The following EFHD1 variants were observed in gnomAD, a reference collection of about 807,000 sequenced individuals.
EFHD1 encodes EF-hand domain family member D1.
Under a neutral mutation model 17.2 loss-of-function variants are expected in EFHD1, and 10 were observed. That is an observed-to-expected ratio of 0.58 (90% confidence interval 0.36 to 0.99). The LOEUF (loss-of-function observed/expected upper bound fraction) is 0.99. Ranked by LOEUF, EFHD1 falls within the 50% of genes least tolerant of loss-of-function variation. The pLI is 0.01. For synonymous variants in EFHD1, 153 were observed against 142.0 expected (o/e 1.08, Z -0.55); for missense variants, 310 against 327.5 (o/e 0.95, Z 0.41).
intron 1 of EFHD1, among the ~76,000 whole-genome samples, chr2:232,651,244 G>T (rs73995853): frequency 0.074 from 11,302 of 152,278 alleles, 527 homozygotes; most frequent in African/African-American, 0.11. Flanking sequence ...CTCTGCCCAG[G>T]GGAGGGGTGC....
chr2:232,658,014 C>T (rs1348323127), intron 1 of EFHD1, among the ~76,000 whole-genome samples: 3 of 148,596 alleles, frequency 2.0e-5, no homozygotes, highest in Non-Finnish European at 4.5e-5. Context: ...GATTCTTCTG[C>T]CTCAGCCTCC....
At chr2:232,624,760 T>C (rs1251302384) in intron 1 of EFHD1, among the ~76,000 whole-genome samples, 1 of 152,122 alleles carries the variant, frequency 6.6e-6, no homozygotes, top group African/African-American at 2.4e-5. Flanking sequence ...GAAACATCTA[T>C]AGGGAAAGAA....
chr2:232,665,872 G>T (rs906948787), intron 2 of EFHD1, among the ~76,000 whole-genome samples: 2 of 152,146 alleles, frequency 1.3e-5, no homozygotes, highest in Admixed American at 6.5e-5. Context: ...TTGGAGTACT[G>T]GCACCCTGGT....
chr2:232,631,691 T>TAAAAAAAAAA (rs34689384), upstream of EFHD1, among the ~76,000 whole-genome samples: 6 of 115,774 alleles, frequency 5.2e-5, no homozygotes, highest in East Asian at 3.0e-4. Context: ...ATAAGAACAT[T>TAAAAAAAAAA]AAAAAAAAAA....
At chr2:232,644,136 C>T (rs957170143) in intron 1 of EFHD1, among the ~76,000 whole-genome samples, 15 of 152,138 alleles carry the variant, frequency 9.9e-5, no homozygotes, top group African/African-American at 3.6e-4. Context: ...TGCCCTTCCT[C>T]CCTCCAAAGA....
chr2:232,631,511 A>G (rs1694200542), upstream of EFHD1, among the ~76,000 whole-genome samples: 1 of 150,890 alleles, frequency 6.6e-6, no homozygotes, highest in East Asian at 2.0e-4. Flanking sequence ...AGGTTTTGCC[A>G]TGTTGCCCAA....
chr2:232,613,882 ATATACACACAC>A (rs1237191164), intron 1 of EFHD1, among the ~76,000 whole-genome samples: 1 of 98,558 alleles, frequency 1.0e-5, no homozygotes, highest in Non-Finnish European at 2.4e-5. Context: ...ATACACACAC[ATATACACACAC>A]AAACACATAC....
intron 1 of EFHD1, among the ~76,000 whole-genome samples, chr2:232,656,161 A>G (rs1694758224): frequency 6.6e-6 from 1 of 152,142 alleles, no homozygotes; most frequent in Non-Finnish European, 1.5e-5. Flanking sequence ...GACCAGGCCC[A>G]TGGCCTCCCT....
intron 2 of EFHD1, among the ~76,000 whole-genome samples, chr2:232,664,706 C>T (rs988769348): frequency 4.7e-5 from 7 of 148,686 alleles, no homozygotes; most frequent in African/African-American, 7.5e-5. Context: ...CTCCGCCTCC[C>T]GGGTTCACGC....
At chr2:232,616,907 C>A (rs1203640563) in intron 1 of EFHD1, among the ~76,000 whole-genome samples, 1 of 152,180 alleles carries the variant, frequency 6.6e-6, no homozygotes, top group Non-Finnish European at 1.5e-5. Context: ...TCCTGGGTTC[C>A]CTGGTCAGGA....
intron 1 of EFHD1, among the ~76,000 whole-genome samples, chr2:232,610,505 G>T (rs913553510): frequency 1.3e-5 from 2 of 151,938 alleles, no homozygotes; most frequent in Non-Finnish European, 2.9e-5. Context: ...AACCCAGGAG[G>T]CGGAGCTTGC....
chr2:232,626,327 C>T (rs74319230), intron 1 of EFHD1, among the ~76,000 whole-genome samples: 1 of 152,102 alleles, frequency 6.6e-6, no homozygotes, highest in African/African-American at 2.4e-5. Context: ...AGGCGGATCA[C>T]TTGAGATCAG....
rs1226912223 is a variant in EFHD1, at chr2:232,672,424, A to G, written c.566A>G (p.Lys189Arg). ...DVALEGVKGA[K>R]NFFEAKVQAL... Reference sequence around the variant, plus strand: ...GCCCTGGAGGGTGTCAAAGGTGCCAAGAACTTCTTTGAAGCCAAGGTAGGT... The same window carrying G: ...GCCCTGGAGGGTGTCAAAGGTGCCAGGAACTTCTTTGAAGCCAAGGTAGGT... Residue 189 changes from lysine to arginine, a missense_variant, in exon 3 of 4, where the codon AAG (lysine) becomes AGG (arginine). Lys to Arg is a conservative substitution (Grantham distance 26, BLOSUM62 2). Transcript: ENST00000264059. 6.2e-7 allele frequency: 1 copy of G among 1,605,798 alleles called. No individual in the cohort carries two copies. Among genetic ancestry groups the G allele is most frequent in the Non-Finnish European group, 8.5e-7 (1 of 1,176,384 alleles).
chr2:232,619,317 T>C (rs1202059429), intron 1 of EFHD1, among the ~76,000 whole-genome samples: 4 of 150,310 alleles, frequency 2.7e-5, no homozygotes, highest in Non-Finnish European at 5.9e-5. Flanking sequence ...TCTTTCTTTT[T>C]TTTTTTTTTT....
chr2:232,664,314 AT>A (rs1694929337), intron 2 of EFHD1, among the ~76,000 whole-genome samples: 1 of 150,668 alleles, frequency 6.6e-6, no homozygotes, highest in Non-Finnish European at 1.5e-5. Context: ...AATTGAAAAA[AT>A]TTTTTTGTAG....
chr2:232,619,158 T>TATAAATAA (rs370538870), intron 1 of EFHD1, among the ~76,000 whole-genome samples: 199 of 146,112 alleles, frequency 1.4e-3, no homozygotes, highest in African/African-American at 4.4e-3. Flanking sequence ...CATCTCAAAA[T>TATAAATAA]ATAAATAAAT....
intron 1 of EFHD1, among the ~76,000 whole-genome samples, chr2:232,640,731 G>C (rs1694415645): frequency 6.6e-6 from 1 of 152,120 alleles, no homozygotes; most frequent in Non-Finnish European, 1.5e-5. Flanking sequence ...TAGCTGAGCA[G>C]ACCCTGAGAG....
chr2:232,664,969 T>A (rs562353736), intron 2 of EFHD1, among the ~76,000 whole-genome samples: 1 of 151,952 alleles, frequency 6.6e-6, no homozygotes, highest in South Asian at 2.1e-4. Context: ...TAGAGTGCAG[T>A]GGTATAGTCT....
chr2:232,659,539 C>T, intron 1 of EFHD1, among the ~76,000 whole-genome samples: 1 of 152,124 alleles, frequency 6.6e-6, no homozygotes, highest in South Asian at 2.1e-4. Flanking sequence ...TGGGCCTCCT[C>T]TCCAGCCTGA....
Sources: allele counts gnomAD v4.1 joint callset (sites outside exome capture counted in the v4.1 genomes callset), GRCh38; gene constraint gnomAD v4.1.1; transcripts MANE v1.5; gene names NCBI Gene and HGNC (gene_info 2026-07-23, HGNC 2026-07-21).